Variants in NAV2 observed in about 807,000 individuals in gnomAD.
The protein encoded by NAV2 is helicase, APC down-regulated 1.
A neutral mutation model predicts 223.2 loss-of-function variants in NAV2; 54 were observed. The observed-to-expected ratio is 0.24, with a 90% confidence interval of 0.19 to 0.30. NAV2 has a LOEUF of 0.30. NAV2 is among the 10% of genes least tolerant of loss of function. The probability of loss-of-function intolerance (pLI) is 1.00; values close to 1 mark genes in which losing one functional copy is unlikely to be tolerated. For missense variants in NAV2, 2,806 were observed against 3,147.5 expected, an observed-to-expected ratio of 0.89 and a Z score of 2.60; for synonymous variants, 1,279 against 1,239.3, an observed-to-expected ratio of 1.03 and a Z score of -0.67.
intron 1 of NAV2, among the ~76,000 whole-genome samples, chr11:19,760,302 A>C (rs2054626561): frequency 6.6e-6 from 1 of 152,122 alleles, no homozygotes; most frequent in South Asian, 2.1e-4. Context: ...CCCACTCCCA[A>C]CCCAACTCCA....
At chr11:19,992,118 C>T (rs2051396240) in intron 11 of NAV2, among the ~76,000 whole-genome samples, 1 of 152,198 alleles carries the variant, frequency 6.6e-6, no homozygotes, top group Admixed American at 6.5e-5. Context: ...TTGTGTATAA[C>T]AACTAGAAAC....
chr11:19,492,007 C>A (rs2042645657), intron 1 of NAV2, among the ~76,000 whole-genome samples: 1 of 151,632 alleles, frequency 6.6e-6, no homozygotes, highest in Non-Finnish European at 1.5e-5. Flanking sequence ...GGGAAAGAGC[C>A]ATTCAATGGA....
chr11:19,915,033 T>C (rs1183123139), intron 6 of NAV2, among the ~76,000 whole-genome samples: 1 of 152,214 alleles, frequency 6.6e-6, no homozygotes, highest in Non-Finnish European at 1.5e-5. Context: ...TCTGTTTTCT[T>C]ATCTCCTTTC....
At chr11:19,863,933 T>C (rs1394379940) in intron 3 of NAV2, among the ~76,000 whole-genome samples, 1 of 152,178 alleles carries the variant, frequency 6.6e-6, no homozygotes. Context: ...GACAATTACT[T>C]TTGATGGCAA....
At chr11:19,965,006 A>G (rs2048651113) in intron 10 of NAV2, among the ~76,000 whole-genome samples, 1 of 151,702 alleles carries the variant, frequency 6.6e-6, no homozygotes, top group African/African-American at 2.4e-5. Flanking sequence ...TTTAGTAGAG[A>G]TGAGGCTTCT....
At chr11:19,351,990 T>TGC (rs1406625192) in intron 1 of NAV2, among the ~76,000 whole-genome samples, 1 of 151,642 alleles carries the variant, frequency 6.6e-6, no homozygotes, top group East Asian at 1.9e-4. Flanking sequence ...TGTGTGTGTG[T>TGC]GTGTGTGTGT....
chr11:20,090,463 CTAAAAA>C (rs1284785735), intron 26 of NAV2, among the ~76,000 whole-genome samples: 1 of 150,962 alleles, frequency 6.6e-6, no homozygotes, highest in Non-Finnish European at 1.5e-5. Flanking sequence ...AATCTTGTCT[CTAAAAA>C]TAAAAATAAA....
intron 10 of NAV2, among the ~76,000 whole-genome samples, chr11:19,956,363 CAT>C (rs1400950889): frequency 7.3e-5 from 11 of 150,224 alleles, no homozygotes; most frequent in African/African-American, 2.2e-4. Flanking sequence ...CCCCGACACA[CAT>C]ACACACACAC....
At chr11:19,865,990 A>G (rs1248088845) in intron 3 of NAV2, among the ~76,000 whole-genome samples, 2 of 152,222 alleles carry the variant, frequency 1.3e-5, no homozygotes, top group Non-Finnish European at 1.5e-5. Flanking sequence ...TTTCTCACCC[A>G]GCTCTGCCAT....
At chr11:19,572,398 G>C (rs911162906) in intron 1 of NAV2, among the ~76,000 whole-genome samples, 1 of 152,208 alleles carries the variant, frequency 6.6e-6, no homozygotes, top group African/African-American at 2.4e-5. Context: ...CTGCAATAGA[G>C]ATTGGAATTT....
chr11:19,875,985 C>T (rs1028234228), intron 4 of NAV2, among the ~76,000 whole-genome samples: 3 of 152,008 alleles, frequency 2.0e-5, no homozygotes, highest in South Asian at 2.1e-4. Context: ...AGTACAGAGT[C>T]GGGAAGTATC....
intron 1 of NAV2, among the ~76,000 whole-genome samples, chr11:19,540,763 G>T (rs1251275225): frequency 6.6e-6 from 1 of 152,188 alleles, no homozygotes; most frequent in Non-Finnish European, 1.5e-5. Flanking sequence ...AGGCGTGGTG[G>T]TTCATGACTG....
upstream of NAV2, chr11:19,712,369 G>A (rs894491336): frequency 2.0e-5 from 3 of 152,338 alleles, no homozygotes; most frequent in African/African-American, 7.2e-5. Context: ...CGGCCTGGAA[G>A]AGCAGGCAGA....
chr11:19,447,463 G>A (rs1055320010), intron 1 of NAV2, among the ~76,000 whole-genome samples: 11 of 152,192 alleles, frequency 7.2e-5, no homozygotes, highest in African/African-American at 2.7e-4. Flanking sequence ...GAGACACCAG[G>A]ACAAACGTGC....
In NAV2 at chr11:20,056,762, C is replaced by T. The variant is rs1310413788; in HGVS notation, c.4831+805C>T. 7.7e-6 allele frequency: 5 copies of T among 652,796 alleles called. No individual in the cohort carries two copies. The East Asian group carries it at 8.2e-5, about 11-fold the overall frequency. 40.4% of individuals were successfully genotyped at this position (652,796 alleles called of 1,614,324 possible). A position where few individuals can be genotyped will look rare whatever the true frequency, so the allele number is the denominator to read the frequency against. Reference sequence around the variant, plus strand: ...CAGACTAGCAGAGTTTAAATTCCAGCTCCACTGCTTTTTAGGTATATGATT... The same window carrying T: ...CAGACTAGCAGAGTTTAAATTCCAGTTCCACTGCTTTTTAGGTATATGATT... On this transcript the variant is annotated intron_variant, in intron 19 of 37. Coordinates refer to ENST00000349880, the MANE Select transcript of NAV2 (RefSeq NM_145117.5).
Position 19,471,340 on chromosome 11 carries a change from C to T in NAV2, c.75+120313C>T, listed in dbSNP as rs192571086. ...TCAGCAGGTGGTTGAGGTGAGAACA[C>T]GCTTATAATGCCCTTAGCCAGTGTC... is the stretch of plus-strand genomic sequence containing the variant. On this transcript the variant is annotated intron_variant, in intron 1 of 37. Transcript: ENST00000360655. 1.5e-3 allele frequency among the ~76,000 whole-genome samples: 223 copies of T among 152,296 alleles called. 1 individual carries two copies. Among genetic ancestry groups the T allele is most frequent in the African/African-American group, 5.0e-3 (206 of 41,540 alleles).
At chr11:20,080,590 A>C (rs943413482) in intron 25 of NAV2, among the ~76,000 whole-genome samples, 1 of 152,090 alleles carries the variant, frequency 6.6e-6, no homozygotes, top group African/African-American at 2.4e-5. Flanking sequence ...GCATATTGCT[A>C]GTTATCCCAT....
intron 11 of NAV2, among the ~76,000 whole-genome samples, chr11:20,012,803 T>C (rs1330082536): frequency 6.6e-6 from 1 of 152,116 alleles, no homozygotes; most frequent in African/African-American, 2.4e-5. Flanking sequence ...AATGTGCCAA[T>C]TACCAGTCTC....
At chr11:19,621,071 T>G (rs2046978917) in intron 1 of NAV2, among the ~76,000 whole-genome samples, 1 of 152,234 alleles carries the variant, frequency 6.6e-6, no homozygotes, top group African/African-American at 2.4e-5. Context: ...GTTTATTGAT[T>G]TGTGTATATG....
Sources: gnomAD v4.1 joint callset for allele counts (sites outside exome capture counted in the v4.1 genomes callset) on GRCh38, gnomAD v4.1.1 for gene constraint, MANE v1.5 for transcripts, NCBI Gene and HGNC (gene_info 2026-07-23, HGNC 2026-07-21) for gene names.